TLL2: variants seen among roughly 807,000 people sequenced by gnomAD.
The protein encoded by TLL2 is tolloid-like protein 2.
Under a neutral mutation model 123.0 loss-of-function variants are expected in TLL2, and 106 were observed. The observed-to-expected ratio is 0.86, with a 90% confidence interval of 0.74 to 1.01. TLL2 has a LOEUF of 1.01. TLL2 is among the 50% of genes least tolerant of loss of function. TLL2 has a pLI of 0.00. For missense variants in TLL2, 1,332 were observed against 1,336.7 expected, an observed-to-expected ratio of 1.00 and a Z score of 0.06; for synonymous variants, 494 against 516.8, an observed-to-expected ratio of 0.96 and a Z score of 0.60.
At chr10:96,410,522 C>T (rs772692257) in intron 8 of TLL2, 48 bp from the exon 9 acceptor site, 17 of 1,488,886 alleles carry the variant, frequency 1.1e-5, no homozygotes, top group African/African-American at 5.5e-5. Flanking sequence ...CACCTCTCCC[C>T]GCCCAAGCAG....
chr10:96,491,397 A>G (rs1428360098), intron 1 of TLL2, among the ~76,000 whole-genome samples: 1 of 149,446 alleles, frequency 6.7e-6, no homozygotes, highest in Non-Finnish European at 1.5e-5. Flanking sequence ...AAAAAAAAAA[A>G]AGAAAAGAAA....
intron 1 of TLL2, among the ~76,000 whole-genome samples, chr10:96,494,240 T>G (rs1254584245): frequency 6.6e-6 from 1 of 152,164 alleles, no homozygotes; most frequent in African/African-American, 2.4e-5. Flanking sequence ...GAACGGCCCC[T>G]GAGTTGGGGT....
At position 96,376,701 on chromosome 10, in the gene TLL2, T is replaced by C. The variant is rs1339161774; in HGVS notation, c.2439A>G (p.Arg813=). ...TACAAAAATGACTCACGAGTTTCAC[T>C]CTGTGGCCTGCAGTCGAAGAGATGT... ...TWNISSTAGH[R]VKLTFNEFEI... Residue 813 remains arginine, a synonymous_variant, in exon 18 of 21, where the codon AGA becomes AGG. Coordinates refer to ENST00000357947, the MANE Select transcript of TLL2 (RefSeq NM_012465.4). The C allele has an allele frequency of 1.2e-6, 2 of 1,610,014 alleles. No homozygotes were observed. The highest frequency in any genetic ancestry group is 1.7e-6 in the Non-Finnish European group (2 of 1,178,394).
intron 11 of TLL2, among the ~76,000 whole-genome samples, chr10:96,396,873 A>G (rs952364711): frequency 6.6e-6 from 1 of 152,134 alleles, no homozygotes; most frequent in Non-Finnish European, 1.5e-5. Flanking sequence ...GGCTGCTATC[A>G]TTTCCACAGG....
At chr10:96,465,381 C>G (rs1847119256) in intron 2 of TLL2, among the ~76,000 whole-genome samples, 1 of 152,208 alleles carries the variant, frequency 6.6e-6, no homozygotes, top group Non-Finnish European at 1.5e-5. Flanking sequence ...CTGATGCTAG[C>G]ACATGTGCAG....
At chr10:96,429,045 C>T (rs1846709740) in intron 4 of TLL2, among the ~76,000 whole-genome samples, 2 of 152,016 alleles carry the variant, frequency 1.3e-5, no homozygotes, top group Admixed American at 6.6e-5. Context: ...TCAGGTGATC[C>T]GCCAGCCTCA....
chr10:96,368,090 A>C lies in TLL2; in HGVS notation c.3046T>G (p.Ter1016GluextTer2). The C allele has an allele frequency of 1.2e-6, 2 of 1,614,104 alleles. No individual in the cohort carries two copies. The highest frequency in any genetic ancestry group is 2.2e-5 in the South Asian group (2 of 91,068). Residue 1016 changes from the stop codon to glutamate, a stop_lost, in exon 21 of 21, where the codon TAG (stop) becomes GAG (glutamate). Coordinates refer to ENST00000357947, the MANE Select transcript of TLL2 (RefSeq NM_012465.4). ...KFQDALHMKK[*>E] ...TCTGTCTTTCAAGAACATCAGCACT[A>C]TTTCTTCATGTGCAGGGCATCCTGG...
chr10:96,386,213 C>A lies in TLL2; in HGVS notation c.1855G>T (p.Ala619Ser). The change falls in exon 15 of 21, where the codon GCC (alanine) becomes TCC (serine). Residue 619 changes from alanine to serine, a missense_variant and splice_region_variant. Coordinates refer to ENST00000357947, the MANE Select transcript of TLL2 (RefSeq NM_012465.4). ...LAADKKMCEV[A>S]CGGFITKLNG... ...AGCTTGGTAATGAAACCGCCACAGG[C>A]CACTGCACGGGGGAAACAGAAACAG... The A allele has an allele frequency of 1.9e-6, 3 of 1,586,634 alleles. No individual in the cohort carries two copies. The highest frequency in any genetic ancestry group is 1.4e-5 in the African/African-American group (1 of 74,026).
At chr10:96,495,377 TACAA>T (rs1373442696) in intron 1 of TLL2, among the ~76,000 whole-genome samples, 2 of 152,166 alleles carry the variant, frequency 1.3e-5, no homozygotes, top group Non-Finnish European at 2.9e-5. Flanking sequence ...GGAGTGTATG[TACAA>T]ACAAACAGGG....
At chr10:96,486,609 C>T (rs1037107578) in intron 1 of TLL2, among the ~76,000 whole-genome samples, 4 of 152,234 alleles carry the variant, frequency 2.6e-5, no homozygotes, top group African/African-American at 9.6e-5. Flanking sequence ...ACAGGTAAGC[C>T]TCTCTCCCAT....
intron 1 of TLL2, among the ~76,000 whole-genome samples, chr10:96,497,966 G>A (rs778006736): frequency 2.0e-5 from 3 of 152,188 alleles, no homozygotes; most frequent in Non-Finnish European, 4.4e-5. Flanking sequence ...TGCCTGCTGC[G>A]TTCCCACAGC....
intron 16 of TLL2, among the ~76,000 whole-genome samples, chr10:96,381,074 T>A (rs1483643665): frequency 4.6e-5 from 7 of 152,156 alleles, no homozygotes; most frequent in African/African-American, 2.4e-5. Flanking sequence ...CTTCTGCAGA[T>A]GACTCACAGG....
chr10:96,424,093 A>G (rs1195538707), intron 5 of TLL2, among the ~76,000 whole-genome samples: 2 of 152,202 alleles, frequency 1.3e-5, no homozygotes, highest in Non-Finnish European at 2.9e-5. Flanking sequence ...TATTTGTGGT[A>G]GCTAAAAATT....
At chr10:96,416,419 AT>A (rs1185405888) in intron 7 of TLL2, among the ~76,000 whole-genome samples, 2 of 152,144 alleles carry the variant, frequency 1.3e-5, no homozygotes, top group Non-Finnish European at 2.9e-5. Context: ...TTTCATCTTC[AT>A]AACACCCTAG....
intron 2 of TLL2, among the ~76,000 whole-genome samples, chr10:96,448,168 T>A (rs1314986160): frequency 6.6e-6 from 1 of 152,200 alleles, no homozygotes; most frequent in Non-Finnish European, 1.5e-5. Context: ...CGCGCCTGCA[T>A]CCTGCTCGTT....
intron 8 of TLL2, among the ~76,000 whole-genome samples, chr10:96,411,251 C>G (rs1264648004): frequency 3.2e-5 from 3 of 93,116 alleles, no homozygotes; most frequent in African/African-American, 1.4e-4. Flanking sequence ...GAGTGAGACT[C>G]TGTCTCAAAA....
chr10:96,384,309 A>G (rs571841602), intron 16 of TLL2, among the ~76,000 whole-genome samples: 3 of 152,312 alleles, frequency 2.0e-5, no homozygotes, highest in African/African-American at 7.2e-5. Context: ...GAACACCTGG[A>G]TTTTGGAATT....
chr10:96,456,946 CAGTT>C (rs980535296), intron 2 of TLL2, among the ~76,000 whole-genome samples: 4 of 152,148 alleles, frequency 2.6e-5, no homozygotes, highest in African/African-American at 9.7e-5. Flanking sequence ...GGGAGGGAGT[CAGTT>C]AGGATAGAAC....
intron 16 of TLL2, among the ~76,000 whole-genome samples, chr10:96,383,940 TTTTC>T (rs1846207804): frequency 6.6e-6 from 1 of 152,136 alleles, no homozygotes; most frequent in Non-Finnish European, 1.5e-5. Flanking sequence ...CTAAACCTCT[TTTTC>T]TTTATCAATT....
Sources: gnomAD v4.1 joint callset for allele counts (sites outside exome capture counted in the v4.1 genomes callset) on GRCh38, gnomAD v4.1.1 for gene constraint, MANE v1.5 for transcripts, NCBI Gene and HGNC (gene_info 2026-07-23, HGNC 2026-07-21) for gene names.